The following NT5DC3 variants were observed in gnomAD, a reference collection of about 807,000 sequenced individuals.
NT5DC3 encodes the protein 5'-nucleotidase domain-containing protein 3.
A neutral mutation model predicts 67.8 loss-of-function variants in NT5DC3; 42 were observed. The observed-to-expected ratio is 0.62, with a 90% CI of 0.48 to 0.80. NT5DC3 has a LOEUF of 0.80. Among genes scored for constraint, NT5DC3 ranks in the 30% least tolerant of loss-of-function variants. The pLI is 0.00. For synonymous variants in NT5DC3, 237 were observed against 255.6 expected, an observed-to-expected ratio of 0.93 and a Z score of 0.69; for missense variants, 570 against 696.4, an observed-to-expected ratio of 0.82 and a Z score of 2.04.
At position 103,841,093 on chromosome 12, in the gene NT5DC3, C is replaced by G; in HGVS notation, c.64G>C (p.Ala22Pro). 1 of 1,205,860 alleles carries G rather than the reference C, an allele frequency of 8.3e-7. No individual in the cohort carries two copies. Among genetic ancestry groups the G allele is most frequent in the Non-Finnish European group, 1.1e-6 (1 of 949,324 alleles). 74.7% of individuals were successfully genotyped at this position (1,205,860 alleles called of 1,614,324 possible). The change falls in exon 1 of 14, where the codon GCT becomes CCT. Residue 22 changes from alanine to proline, a missense_variant. By Grantham distance (27) the Ala-to-Pro change is conservative (BLOSUM62 -1). Coordinates refer to ENST00000392876, the MANE Select transcript of NT5DC3 (RefSeq NM_001031701.3). ...GAGARAATAA[A>P]LRGGCGTAAR... The stretch of plus-strand genomic sequence containing the variant: ...GCGGTCCCGCAGCCACCCCGCAAAG[C>G]CGCCGCTGTCGCTGCCCTCGCCCCG...
At chr12:103,840,888 T>C in intron 1 of NT5DC3, 61 bp downstream of exon 1, 1 of 1,083,386 alleles carries the variant, frequency 9.2e-7, no homozygotes, top group South Asian at 2.5e-5. Flanking sequence ...GGGCGCCCGC[T>C]TCCCAGCTGA....
intron 11 of NT5DC3, among the ~76,000 whole-genome samples, chr12:103,786,777 G>C (rs1253295604): frequency 6.7e-6 from 1 of 149,494 alleles, no homozygotes; most frequent in Non-Finnish European, 1.5e-5. Context: ...CCACCTCCCA[G>C]GTTCAAGCAA....
At position 103,804,917 on chromosome 12, in the gene NT5DC3, G is replaced by A. The variant is rs182698517; in HGVS notation, c.524+1405C>T. Among the ~76,000 whole-genome samples the A allele has an allele frequency of 7.2e-5, 11 of 152,276 alleles. No individual in the cohort carries two copies. In the East Asian group the frequency reaches 1.9e-3, roughly 27 times the overall value. On this transcript the variant is annotated intron_variant, in intron 4 of 13. Transcript: ENST00000392876. ...AAATACAAAACTAGCCGGGCGTGGC[G>A]GCACATGCCTGTAATCCCAGCTCTT...
intron 1 of NT5DC3, among the ~76,000 whole-genome samples, chr12:103,832,809 G>T (rs1012289201): frequency 2.6e-5 from 4 of 152,144 alleles, no homozygotes; most frequent in Non-Finnish European, 5.9e-5. Flanking sequence ...TTCCTAAAGC[G>T]TAACAGAAGC....
Position 103,833,830 on chromosome 12 carries a change from T to G in NT5DC3, c.208+7119A>C, listed in dbSNP as rs140870214. Among the ~76,000 whole-genome samples, 80 of 152,148 alleles carry G rather than the reference T, an allele frequency of 5.3e-4. 1 individual carries two copies. The highest frequency in any genetic ancestry group is 1.7e-3 in the African/African-American group (72 of 41,516). Reference sequence around the variant, plus strand: ...CTAACAGGACAGGCCAAGTATCTGATGAGCACACCTGGAAGGCCAGAGCTT... The same window carrying G: ...CTAACAGGACAGGCCAAGTATCTGAGGAGCACACCTGGAAGGCCAGAGCTT... On this transcript the variant is annotated intron_variant, in intron 1 of 13. Coordinates refer to ENST00000392876, the MANE Select transcript of NT5DC3 (RefSeq NM_001031701.3).
Position 103,775,290 on chromosome 12 carries a change from A to C in NT5DC3, c.*2539T>G, listed in dbSNP as rs534294039. ...TTCTTCTAACTGGGAATTGATTACA[A>C]AACTCATTATTCATACCCAAAAATG... is the stretch of plus-strand genomic sequence containing the variant. On this transcript the variant is annotated 3_prime_UTR_variant, in exon 14 of 14. Coordinates refer to ENST00000392876, the MANE Select transcript of NT5DC3 (RefSeq NM_001031701.3). 7.1e-6 allele frequency: 1 copy of C among 141,522 alleles called. No individual in the cohort carries two copies. The highest frequency in any genetic ancestry group is 1.5e-5 in the Non-Finnish European group (1 of 65,032). The allele number at this position is 141,522 out of a possible 1,614,324, so 8.8% of individuals were successfully genotyped here.
chr12:103,767,690 C>A (rs1885043190), downstream of NT5DC3, among the ~76,000 whole-genome samples: 1 of 152,030 alleles, frequency 6.6e-6, no homozygotes, highest in Non-Finnish European at 1.5e-5. Context: ...CCCATTTGGA[C>A]ACACTGCAAG....
intron 2 of NT5DC3, among the ~76,000 whole-genome samples, chr12:103,807,160 A>C (rs1487215953): frequency 2.0e-5 from 3 of 152,178 alleles, no homozygotes; most frequent in Admixed American, 2.0e-4. Flanking sequence ...GCCCAAGCAC[A>C]GGCTGGGCCT....
At chr12:103,769,207 A>C (rs1885129551), downstream of NT5DC3, among the ~76,000 whole-genome samples, 1 of 152,176 alleles carries the variant, frequency 6.6e-6, no homozygotes, top group Admixed American at 6.5e-5. Flanking sequence ...AGATGGGCTT[A>C]GCCTACTCAG....
At chr12:103,824,215 T>C (rs1447266936) in intron 1 of NT5DC3, among the ~76,000 whole-genome samples, 1 of 152,238 alleles carries the variant, frequency 6.6e-6, no homozygotes, top group East Asian at 1.9e-4. Flanking sequence ...AAGGTTGAGA[T>C]GACAATTCTT....
In NT5DC3 at chr12:103,777,846, C is replaced by T. The variant is rs1307790445; in HGVS notation, c.1630G>A (p.Glu544Lys). ...GCCCTTGGCTACTTGGCCTGGGCCT[C>T]CTGCAGGAGAGGGGTTCCGAAGGTG... ...PPTFGTPLLQ[E>K]AQAK The change falls in exon 14 of 14, where the codon GAG becomes AAG. Residue 544 changes from glutamate to lysine, a missense_variant. Physicochemically the swap from Glu to Lys is moderately conservative, Grantham distance 56 (BLOSUM62 1). Transcript: ENST00000392876. 2.5e-6 allele frequency: 4 copies of T among 1,613,046 alleles called. No individual in the cohort carries two copies. The East Asian group carries it at 8.9e-5, about 36-fold the overall frequency.
chr12:103,752,549 C>T, the NT5DC3 span, among the ~76,000 whole-genome samples: 1 of 152,172 alleles, frequency 6.6e-6, no homozygotes, highest in Non-Finnish European at 1.5e-5. Flanking sequence ...TGATAAAAAT[C>T]TTCCAGTATC....
the NT5DC3 span, among the ~76,000 whole-genome samples, chr12:103,757,208 C>T: frequency 6.6e-6 from 1 of 151,822 alleles, no homozygotes; most frequent in Non-Finnish European, 1.5e-5. Context: ...CCCACCCCAG[C>T]CTCCAGAGCA....
intron 4 of NT5DC3, 114 bp from the exon 5 acceptor site, chr12:103,798,791 C>T (rs1036409698): frequency 8.5e-5 from 60 of 703,072 alleles, no homozygotes; most frequent in Non-Finnish European, 1.2e-4. Flanking sequence ...GTCATCATGA[C>T]GAGGCAAAAT....
At chr12:103,818,893 T>C (rs1887376259) in intron 1 of NT5DC3, among the ~76,000 whole-genome samples, 1 of 152,192 alleles carries the variant, frequency 6.6e-6, no homozygotes, top group Non-Finnish European at 1.5e-5. Flanking sequence ...CCACGTGGCA[T>C]CGTCCATATG....
At chr12:103,766,342 T>C (rs771432090), downstream of NT5DC3, 10 of 1,604,608 alleles carry the variant, frequency 6.2e-6, no homozygotes, top group East Asian at 2.2e-4. Flanking sequence ...TGTGAGGGCC[T>C]GGACGGGAGA....
intron 4 of NT5DC3, among the ~76,000 whole-genome samples, chr12:103,804,011 G>A (rs115409298): frequency 1.6e-3 from 241 of 152,012 alleles, no homozygotes; most frequent in African/African-American, 5.6e-3. Context: ...TGTGACCTTG[G>A]GCAAGTTACT....
rs534426005 is a variant in NT5DC3, at chr12:103,794,285, G to T, written c.754-288C>A. On this transcript the variant is annotated intron_variant, in intron 6 of 13. Coordinates refer to ENST00000392876, the MANE Select transcript of NT5DC3 (RefSeq NM_001031701.3). ...CTGCCTCAGCCTCCAGAGTAGTTGG[G>T]ATTACAGGCGCCCGCCAGCACATCA... is the stretch of plus-strand genomic sequence containing the variant. Among the ~76,000 whole-genome samples the T allele has an allele frequency of 6.1e-3, 518 of 85,206 alleles. 4 individuals are homozygous for T. Among genetic ancestry groups the T allele is most frequent in the Non-Finnish European group, 9.9e-3 (408 of 41,230 alleles). The allele number at this position is 85,206 out of a possible 152,430, so 55.9% of individuals were successfully genotyped here. A position where few individuals can be genotyped will look rare whatever the true frequency, so the allele number is the denominator to read the frequency against.
intron 10 of NT5DC3, among the ~76,000 whole-genome samples, 199 bp from the exon 11 acceptor site, chr12:103,787,726 C>T (rs924878170): frequency 1.3e-5 from 2 of 152,152 alleles, no homozygotes; most frequent in Non-Finnish European, 2.9e-5. Flanking sequence ...ATTATATACA[C>T]CTCACTGTAA....
Sources: gnomAD v4.1 joint callset for allele counts (sites outside exome capture counted in the v4.1 genomes callset) on GRCh38, gnomAD v4.1.1 for gene constraint, MANE v1.5 for transcripts, NCBI Gene and HGNC (gene_info 2026-07-23, HGNC 2026-07-21) for gene names.